The following KMT2E variants were observed in gnomAD, a reference collection of about 807,000 sequenced individuals.
KMT2E encodes lysine methyltransferase 2E (inactive), also known as histone reader KMT2E.
KMT2E carries 30 observed loss-of-function variants against 184.6 expected under a neutral mutation model. The observed-to-expected ratio is 0.16, with a 90% confidence interval of 0.12 to 0.22. The LOEUF (loss-of-function observed/expected upper bound fraction) is 0.22, where lower values mean the gene tolerates loss of function less well. Among genes scored for constraint, KMT2E ranks in the 10% least tolerant of loss-of-function variants. The pLI is 1.00. For synonymous variants in KMT2E, 815 were observed against 776.5 expected (o/e 1.05, Z -0.82); for missense variants, 2,023 against 2,237.4 (o/e 0.90, Z 1.93).
chr7:105,065,478 G>C (rs1390584903), intron 5 of KMT2E, among the ~76,000 whole-genome samples: 1 of 152,164 alleles, frequency 6.6e-6, no homozygotes, highest in Non-Finnish European at 1.5e-5. Context: ...TGGTACAGTA[G>C]TCCCTCCTTT....
rs1799432960 is a variant in KMT2E at position 105,113,583 on chromosome 7, A to G, written c.*250A>G. 2 of 341,808 alleles carry G rather than the reference A, an allele frequency of 5.9e-6. No homozygotes were observed. Among genetic ancestry groups the G allele is most frequent in the Admixed American group, 4.5e-5 (1 of 22,266 alleles). The allele number at this position is 341,808 out of a possible 1,614,324, so 21.2% of individuals were successfully genotyped here. ...TTTTTTTCTGGCAGATCTGATGCTG[A>G]TTTGATGCTGTATGATCTTTTTTTT... On this transcript the variant is annotated 3_prime_UTR_variant, in exon 27 of 27. Transcript: ENST00000311117.
chr7:105,105,246 A>G (rs1334947074), intron 17 of KMT2E, 193 bp from the exon 18 acceptor site: 2 of 427,580 alleles, frequency 4.7e-6, no homozygotes, highest in Non-Finnish European at 8.1e-6. Context: ...ATAATTGGGT[A>G]AAAAGTTTCA....
At chr7:105,041,064 AAAC>A in intron 3 of KMT2E, 41 bp downstream of exon 3, 7 of 1,296,054 alleles carry the variant, frequency 5.4e-6, no homozygotes, top group South Asian at 2.6e-5. Context: ...AAAAAAAAAA[AAAC>A]CCTTCTGGAG....
intron 5 of KMT2E, among the ~76,000 whole-genome samples, chr7:105,065,483 T>C (rs894448677): frequency 2.0e-5 from 3 of 152,202 alleles, no homozygotes; most frequent in African/African-American, 7.2e-5. Context: ...CAGTAGTCCC[T>C]CCTTTCCCTG....
intron 3 of KMT2E, 24 bp downstream of exon 3, chr7:105,041,047 A>G (rs377528287): frequency 7.8e-7 from 1 of 1,283,084 alleles, no homozygotes. Flanking sequence ...TTGGTTACAT[A>G]AGCAAAAAAA....
chr7:105,016,262 T>C (rs923848503), intron 1 of KMT2E, among the ~76,000 whole-genome samples: 9 of 152,192 alleles, frequency 5.9e-5, no homozygotes, highest in African/African-American at 1.9e-4. Context: ...TTGCCATCCA[T>C]TTTTCCCATG....
At chr7:105,090,337 C>G (rs1315903835) in intron 14 of KMT2E, 64 bp downstream of exon 14, 2 of 1,513,524 alleles carry the variant, frequency 1.3e-6, no homozygotes, top group Non-Finnish European at 1.8e-6. Context: ...ATATTTTATC[C>G]TCTTCTTTGT....
rs780033817 is a variant in KMT2E at position 105,112,793 on chromosome 7, A to G, written c.5037A>G (p.Pro1679=). Residue 1679 remains proline (P), a synonymous_variant, in exon 27 of 27, where the codon CCA becomes CCG. Transcript: ENST00000311117. ...AAACTGCTGGACACCACTTACCCCCACCCCCACCCCCTCCTGGTCCTGCCC... is the reference window on the plus strand; with the variant it reads ...AAACTGCTGGACACCACTTACCCCCGCCCCCACCCCCTCCTGGTCCTGCCC... ...HSQTAGHHLP[P]PPPPPGPAPH... is the part of the protein sequence containing the mutation. 6.4e-6 allele frequency: 3 copies of G among 470,464 alleles called. No individual in the cohort carries two copies. Among genetic ancestry groups the G allele is most frequent in the Non-Finnish European group, 9.3e-6 (3 of 323,346 alleles). 29.1% of individuals were successfully genotyped at this position (470,464 alleles called of 1,614,324 possible).
In KMT2E at chr7:105,105,588, T is replaced by A. The variant is rs770134819; in HGVS notation, c.2346T>A (p.His782Gln). Residue 782 changes from histidine to glutamine, a missense_variant, in exon 18 of 27, where the codon CAT becomes CAA. His to Gln is a conservative substitution (Grantham distance 24, BLOSUM62 0). Transcript: ENST00000311117. ...TACCAGGTCTCACTTACAGCCCCCA[T>A]GTATACTCCACTCCTAAGCATTATA... is the stretch of plus-strand genomic sequence containing the variant. Reference protein sequence around the residue: ...NSLPGLTYSPHVYSTPKHYIR... With the variant: ...NSLPGLTYSPQVYSTPKHYIR... 6.2e-7 allele frequency: 1 copy of A among 1,613,904 alleles called. No individual in the cohort carries two copies. Among genetic ancestry groups the A allele is most frequent in the South Asian group, 1.1e-5 (1 of 91,074 alleles).
At chr7:105,091,825 T>C (rs1798218043) in intron 15 of KMT2E, among the ~76,000 whole-genome samples, 1 of 152,206 alleles carries the variant, frequency 6.6e-6, no homozygotes, top group African/African-American at 2.4e-5. Context: ...CCTTGTACTA[T>C]TTACAAATCT....
At chr7:105,023,999 A>G (rs1345403195) in intron 1 of KMT2E, among the ~76,000 whole-genome samples, 1 of 152,172 alleles carries the variant, frequency 6.6e-6, no homozygotes, top group Non-Finnish European at 1.5e-5. Context: ...ACAGAAAAAC[A>G]CTTAGACTTT....
Position 105,077,352 on chromosome 7 carries a change from C to T in KMT2E, c.1049C>T (p.Pro350Leu). Residue 350 changes from proline to leucine, a missense_variant, in exon 11 of 27, where the codon CCT (proline) becomes CTT (leucine). Physicochemically the swap from Pro to Leu is moderately conservative, Grantham distance 98. Around this residue, in one of 8 missense-constraint regions of KMT2E, gnomAD observed 191 missense variants for 209.0 expected, o/e 0.91. Coordinates refer to ENST00000311117, the MANE Select transcript of KMT2E (RefSeq NM_182931.3). Reference protein sequence around the residue: ...KKILKSAKDLPPDALIIEYRG... With the variant: ...KKILKSAKDLLPDALIIEYRG... ...ATTCTTAAATCTGCAAAAGATTTGC[C>T]TCCTGATGCACTTATCATTGAATAC... is the stretch of plus-strand genomic sequence containing the variant. 2 of 1,609,884 alleles carry T rather than the reference C, an allele frequency of 1.2e-6. No homozygotes were observed. The highest frequency in any genetic ancestry group is 1.7e-6 in the Non-Finnish European group (2 of 1,176,632).
At chr7:105,017,887 T>C (rs535547107) in intron 1 of KMT2E, among the ~76,000 whole-genome samples, 1 of 152,284 alleles carries the variant, frequency 6.6e-6, no homozygotes, top group South Asian at 2.1e-4. Context: ...TCCCGTCAAC[T>C]CTGTAAGACT....
intron 3 of KMT2E, among the ~76,000 whole-genome samples, chr7:105,054,094 C>T (rs1391889005): frequency 6.6e-6 from 1 of 151,952 alleles, no homozygotes; most frequent in African/African-American, 2.4e-5. Flanking sequence ...ATCACTTGAA[C>T]CCGGGAGGTG....
At chr7:105,045,763 A>G (rs900107827) in intron 3 of KMT2E, among the ~76,000 whole-genome samples, 3 of 152,202 alleles carry the variant, frequency 2.0e-5, no homozygotes, top group Non-Finnish European at 2.9e-5. Flanking sequence ...ATTGGTATAC[A>G]GGTATCTGTT....
intron 3 of KMT2E, among the ~76,000 whole-genome samples, chr7:105,051,498 A>G (rs1562892690): frequency 6.6e-6 from 1 of 152,100 alleles, no homozygotes; most frequent in Non-Finnish European, 1.5e-5. Context: ...CTATTTCTTT[A>G]AATGGCTACA....
At chr7:105,044,227 C>G (rs1180355675) in intron 3 of KMT2E, among the ~76,000 whole-genome samples, 4 of 151,918 alleles carry the variant, frequency 2.6e-5, no homozygotes, top group Non-Finnish European at 4.4e-5. Context: ...TTGGGTAACT[C>G]TAGTCTAAAA....
intron 1 of KMT2E, among the ~76,000 whole-genome samples, chr7:105,028,235 C>T (rs1346340404): frequency 1.4e-5 from 2 of 142,148 alleles, no homozygotes. Context: ...GTGGTGTGAT[C>T]TCAGCTCACT....
intron 15 of KMT2E, among the ~76,000 whole-genome samples, chr7:105,100,892 CTTA>C (rs1798627965): frequency 6.6e-6 from 1 of 152,132 alleles, no homozygotes; most frequent in Admixed American, 6.6e-5. Flanking sequence ...TTACCCACAT[CTTA>C]CTGTCTCAGA....
Sources: gnomAD v4.1 joint callset for allele counts (sites outside exome capture counted in the v4.1 genomes callset) on GRCh38, gnomAD v4.1.1 for gene constraint, gnomAD v4.1.1 regional missense constraint, MANE v1.5 for transcripts, NCBI Gene and HGNC (gene_info 2026-07-23, HGNC 2026-07-21) for gene names.